The following NAALADL2 variants were observed in gnomAD, a reference collection of about 807,000 sequenced individuals.
The protein encoded by NAALADL2 is N-acetylated alpha-linked acidic dipeptidase like 2.
A neutral mutation model predicts 87.2 loss-of-function variants in NAALADL2; 76 were observed. That is an observed-to-expected ratio of 0.87 (90% CI 0.72 to 1.05). NAALADL2 has a LOEUF of 1.05. NAALADL2 is among the 50% of genes least tolerant of loss of function. The pLI, the probability that NAALADL2 is intolerant of heterozygous loss-of-function variation, is 0.00. For missense variants in NAALADL2, 1,089 were observed against 945.8 expected, an observed-to-expected ratio of 1.15 and a Z score of -1.99; for synonymous variants, 354 against 331.0, an observed-to-expected ratio of 1.07 and a Z score of -0.75.
intron 5 of NAALADL2, among the ~76,000 whole-genome samples, chr3:175,441,595 A>C (rs1303513255): frequency 6.6e-6 from 1 of 151,990 alleles, no homozygotes; most frequent in Admixed American, 6.6e-5. Flanking sequence ...GTTCATGCAG[A>C]TGCTGCTTGT....
At chr3:174,983,103 A>G (rs1218088167) in intron 1 of NAALADL2, among the ~76,000 whole-genome samples, 3 of 152,090 alleles carry the variant, frequency 2.0e-5, no homozygotes, top group Admixed American at 6.5e-5. Flanking sequence ...CAGCCAAAAG[A>G]ACTTTTATTA....
intron 8 of NAALADL2, among the ~76,000 whole-genome samples, chr3:175,467,680 T>G (rs1214818251): frequency 6.6e-6 from 1 of 152,122 alleles, no homozygotes; most frequent in Non-Finnish European, 1.5e-5. Flanking sequence ...ACTCCACTCT[T>G]TCACCCTTAT....
chr3:175,212,246 ATATACTTTGTAGAACATC>A (rs1286102960), intron 2 of NAALADL2, among the ~76,000 whole-genome samples: 1 of 152,000 alleles, frequency 6.6e-6, no homozygotes, highest in Non-Finnish European at 1.5e-5. Context: ...TTTATTTCAA[ATATACTTTGTAGAACATC>A]TATACACTAG....
intron 2 of NAALADL2, among the ~76,000 whole-genome samples, chr3:175,208,491 T>A (rs975376007): frequency 4.6e-5 from 7 of 152,152 alleles, no homozygotes; most frequent in African/African-American, 1.7e-4. Context: ...CTGCCTTTAG[T>A]GGCCATCATT....
chr3:174,715,622 A>T (rs917153349), intron 2 of NAALADL2, among the ~76,000 whole-genome samples: 12 of 152,210 alleles, frequency 7.9e-5, no homozygotes. Flanking sequence ...GCAAAAGCCC[A>T]GTTTCAAGAA....
At chr3:175,139,399 A>G (rs1018781697) in intron 2 of NAALADL2, among the ~76,000 whole-genome samples, 1 of 152,124 alleles carries the variant, frequency 6.6e-6, no homozygotes, top group Non-Finnish European at 1.5e-5. Flanking sequence ...CTCTTTGTAC[A>G]TACAATTTTA....
chr3:174,799,056 G>C (rs1390285941), intron 3 of NAALADL2, among the ~76,000 whole-genome samples: 1 of 151,828 alleles, frequency 6.6e-6, no homozygotes, highest in Non-Finnish European at 1.5e-5. Flanking sequence ...TGTAATCTCA[G>C]TTATTTGTGA....
chr3:175,085,252 C>T (rs948792469), intron 1 of NAALADL2, among the ~76,000 whole-genome samples: 3 of 152,074 alleles, frequency 2.0e-5, no homozygotes, highest in East Asian at 1.9e-4. Flanking sequence ...TTCATGGTGT[C>T]GTTCTGATGT....
At chr3:174,611,055 T>A (rs1200880612) in intron 2 of NAALADL2, among the ~76,000 whole-genome samples, 2 of 151,782 alleles carry the variant, frequency 1.3e-5, no homozygotes, top group African/African-American at 4.8e-5. Flanking sequence ...CTCAGTAAAC[T>A]ATCACAAGGA....
chr3:175,166,095 A>C (rs985652824), intron 2 of NAALADL2, among the ~76,000 whole-genome samples: 1 of 151,630 alleles, frequency 6.6e-6, no homozygotes, highest in African/African-American at 2.4e-5. Flanking sequence ...TACAAAAAAA[A>C]CTTACCTAGT....
intron 9 of NAALADL2, among the ~76,000 whole-genome samples, chr3:175,474,694 G>A: frequency 6.6e-6 from 1 of 150,512 alleles, no homozygotes; most frequent in East Asian, 2.0e-4. Context: ...ACTGCTGCTG[G>A]CATTGGGGGG....
rs76619276 is a variant in NAALADL2, at chr3:175,291,842, G to A, written c.940-32333G>A. ...GGAGTTTCAAAGCTGCAATTACCCA[G>A]TATAGTAAGTATGCCTTGAGTGAAT... On this transcript the variant is annotated intron_variant, in intron 4 of 13. Transcript: ENST00000454872. Among the ~76,000 whole-genome samples, 1,257 of 152,178 alleles carry A rather than the reference G, an allele frequency of 8.3e-3. 12 individuals are homozygous for A. The highest frequency in any genetic ancestry group is 0.024 in the African/African-American group (980 of 41,510).
intron 4 of NAALADL2, among the ~76,000 whole-genome samples, chr3:175,315,102 G>A (rs1005609343): frequency 9.2e-5 from 14 of 152,094 alleles, no homozygotes; most frequent in Admixed American, 2.0e-4. Context: ...TGTTATTGTT[G>A]TTGATGGAGC....
At chr3:175,239,264 C>T (rs556850530) in intron 3 of NAALADL2, among the ~76,000 whole-genome samples, 16 of 152,220 alleles carry the variant, frequency 1.1e-4, no homozygotes, top group African/African-American at 3.6e-4. Context: ...AATAATTTAG[C>T]ATGTGTAAGG....
intron 2 of NAALADL2, among the ~76,000 whole-genome samples, chr3:175,171,743 A>G (rs538081723): frequency 6.6e-6 from 1 of 152,100 alleles, no homozygotes; most frequent in Non-Finnish European, 1.5e-5. Context: ...AAAATATGAA[A>G]TCGTGTCATT....
chr3:174,897,706 T>G (rs1459599399), intron 1 of NAALADL2, among the ~76,000 whole-genome samples: 1 of 152,162 alleles, frequency 6.6e-6, no homozygotes, highest in African/African-American at 2.4e-5. Flanking sequence ...ATGAAAGATA[T>G]ATCTGCACTC....
intron 3 of NAALADL2, among the ~76,000 whole-genome samples, chr3:174,832,487 A>C (rs895639455): frequency 6.6e-6 from 1 of 151,724 alleles, no homozygotes; most frequent in East Asian, 1.9e-4. Flanking sequence ...TTTGAGATGG[A>C]GTCTGGCTCT....
intron 9 of NAALADL2, among the ~76,000 whole-genome samples, chr3:175,523,035 T>C (rs1732871353): frequency 6.6e-6 from 1 of 152,202 alleles, no homozygotes; most frequent in Admixed American, 6.5e-5. Context: ...AAATTACATG[T>C]ACATTTTTGG....
intron 1 of NAALADL2, among the ~76,000 whole-genome samples, chr3:174,478,666 T>C (rs917357837): frequency 3.9e-5 from 6 of 152,158 alleles, no homozygotes; most frequent in Non-Finnish European, 5.9e-5. Context: ...AAAACATATT[T>C]TGATATTTTT....
Sources: allele counts gnomAD v4.1 joint callset (sites outside exome capture counted in the v4.1 genomes callset), GRCh38; gene constraint gnomAD v4.1.1; transcripts MANE v1.5; gene names NCBI Gene and HGNC (gene_info 2026-07-23, HGNC 2026-07-21).